SNTG1: variants seen among roughly 807,000 people sequenced by gnomAD.
SNTG1 encodes the protein gamma-1-syntrophin.
In SNTG1, 39 loss-of-function variants were observed where a neutral mutation model predicts 74.7. The ratio of observed to expected loss-of-function variants is 0.52; its 90% CI spans 0.40 to 0.68. The LOEUF is 0.68. SNTG1 is among the 30% of genes least tolerant of loss of function. SNTG1 has a pLI of 0.00. For synonymous variants in SNTG1, 254 were observed against 217.1 expected (o/e 1.17, Z -1.49); for missense variants, 685 against 609.5 (o/e 1.12, Z -1.30).
chr8:50,310,029 A>G (rs1177699668), intron 2 of SNTG1, among the ~76,000 whole-genome samples: 1 of 152,204 alleles, frequency 6.6e-6, no homozygotes, highest in South Asian at 2.1e-4. Flanking sequence ...ATCAATATTA[A>G]TTGAAACTCA....
At chr8:50,415,454 A>G (rs551226075) in intron 4 of SNTG1, among the ~76,000 whole-genome samples, 1 of 152,172 alleles carries the variant, frequency 6.6e-6, no homozygotes, top group Non-Finnish European at 1.5e-5. Flanking sequence ...ATGTTTACTT[A>G]TACCTATACA....
chr8:50,529,873 A>G (rs1266722718), intron 9 of SNTG1, among the ~76,000 whole-genome samples: 1 of 152,044 alleles, frequency 6.6e-6, no homozygotes, highest in Non-Finnish European at 1.5e-5. Context: ...GGTTTCTAAG[A>G]GCAGGCCACT....
At chr8:50,217,107 T>G (rs1002098534) in intron 2 of SNTG1, among the ~76,000 whole-genome samples, 3 of 151,862 alleles carry the variant, frequency 2.0e-5, no homozygotes, top group African/African-American at 4.8e-5. Flanking sequence ...AAGAAGTTGA[T>G]TTTTAAGCCG....
At chr8:50,421,558 C>T (rs188045418) in intron 4 of SNTG1, among the ~76,000 whole-genome samples, 3 of 152,262 alleles carry the variant, frequency 2.0e-5, no homozygotes, top group East Asian at 1.9e-4. Flanking sequence ...CTTGTGCCAA[C>T]CTCTTATCTC....
chr8:50,026,321 T>C (rs1446157031), intron 1 of SNTG1, among the ~76,000 whole-genome samples: 1 of 152,190 alleles, frequency 6.6e-6, no homozygotes, highest in Non-Finnish European at 1.5e-5. Context: ...TGAAAAATCT[T>C]TGCTTTTTGA....
At chr8:50,577,496 T>G (rs1471998988) in intron 12 of SNTG1, among the ~76,000 whole-genome samples, 3 of 151,518 alleles carry the variant, frequency 2.0e-5, no homozygotes, top group Non-Finnish European at 4.4e-5. Flanking sequence ...TGTGTGGCTT[T>G]GGTATCAGAG....
At position 50,667,444 on chromosome 8, in the gene SNTG1, G is replaced by C. The variant is rs2095256020; in HGVS notation, c.1038+8781G>C. Among the ~76,000 whole-genome samples the C allele has an allele frequency of 2.0e-5, 3 of 152,020 alleles. No individual in the cohort carries two copies. The South Asian group carries it at 6.2e-4, about 32-fold the overall frequency. On this transcript the variant is annotated intron_variant, in intron 15 of 18. Transcript: ENST00000642720. ...TGGAGACTGTGAAGTCCAAGAGCATGATGCTAGCATGTCGTGAAGGTCTAC... is the reference window on the plus strand; with the variant it reads ...TGGAGACTGTGAAGTCCAAGAGCATCATGCTAGCATGTCGTGAAGGTCTAC...
At chr8:50,719,680 G>A (rs978841985) in intron 17 of SNTG1, among the ~76,000 whole-genome samples, 2 of 152,250 alleles carry the variant, frequency 1.3e-5, no homozygotes, top group South Asian at 4.1e-4. Context: ...CCAGTAGTAT[G>A]TGGAAATGTG....
intron 1 of SNTG1, among the ~76,000 whole-genome samples, chr8:49,972,424 C>T (rs1811778073): frequency 6.6e-6 from 1 of 152,128 alleles, no homozygotes; most frequent in African/African-American, 2.4e-5. Flanking sequence ...TAGAAGAAAA[C>T]CTAGGCAATA....
chr8:49,937,385 G>T (rs1808186519), intron 1 of SNTG1, among the ~76,000 whole-genome samples: 1 of 152,166 alleles, frequency 6.6e-6, no homozygotes. Context: ...GGTTCAGCGT[G>T]CTGATAATGG....
chr8:50,445,398 A>G (rs2093397455), intron 5 of SNTG1, among the ~76,000 whole-genome samples: 1 of 152,164 alleles, frequency 6.6e-6, no homozygotes, highest in African/African-American at 2.4e-5. Flanking sequence ...TGATTGATTA[A>G]TTGATTGGAG....
At chr8:50,344,986 A>G (rs2091430319) in intron 2 of SNTG1, among the ~76,000 whole-genome samples, 1 of 152,186 alleles carries the variant, frequency 6.6e-6, no homozygotes, top group African/African-American at 2.4e-5. Context: ...ACCCAGGGAC[A>G]GGCCATGTGA....
At chr8:50,198,806 T>C (rs1029265512) in intron 2 of SNTG1, among the ~76,000 whole-genome samples, 10 of 151,864 alleles carry the variant, frequency 6.6e-5, no homozygotes, top group African/African-American at 2.2e-4. Context: ...TTGGACTTTT[T>C]TGGCATCACA....
chr8:49,993,633 C>T (rs1813901089), intron 1 of SNTG1, among the ~76,000 whole-genome samples: 1 of 151,876 alleles, frequency 6.6e-6, no homozygotes, highest in Admixed American at 6.6e-5. Context: ...TTTCAACTCC[C>T]ACTTATGAGT....
chr8:50,106,058 C>T (rs1586298380), intron 1 of SNTG1, among the ~76,000 whole-genome samples: 1 of 152,050 alleles, frequency 6.6e-6, no homozygotes, highest in South Asian at 2.1e-4. Flanking sequence ...CTAGGACTTC[C>T]AGTATGTATT....
At chr8:50,643,714 A>C (rs998455311) in intron 13 of SNTG1, 9 of 152,200 alleles carry the variant, frequency 5.9e-5, no homozygotes, top group Non-Finnish European at 2.9e-5. Context: ...GACAAAAATA[A>C]AATTATCTGA....
intron 11 of SNTG1, among the ~76,000 whole-genome samples, chr8:50,542,531 T>C (rs2094356141): frequency 6.6e-6 from 1 of 152,214 alleles, no homozygotes; most frequent in Admixed American, 6.5e-5. Context: ...TTGGCTATTA[T>C]GAATATTGTT....
intron 2 of SNTG1, among the ~76,000 whole-genome samples, chr8:50,254,113 C>T (rs962055939): frequency 6.6e-6 from 1 of 152,130 alleles, no homozygotes; most frequent in African/African-American, 2.4e-5. Context: ...ACCTTGATTT[C>T]ATCATTATAC....
At chr8:50,429,812 C>T (rs2093211343) in intron 4 of SNTG1, among the ~76,000 whole-genome samples, 1 of 151,640 alleles carries the variant, frequency 6.6e-6, no homozygotes, top group African/African-American at 2.4e-5. Context: ...AAAAAATGGG[C>T]AAATAATTTG....
Sources: gnomAD v4.1 joint callset for allele counts (sites outside exome capture counted in the v4.1 genomes callset) on GRCh38, gnomAD v4.1.1 for gene constraint, MANE v1.5 for transcripts, NCBI Gene and HGNC (gene_info 2026-07-23, HGNC 2026-07-21) for gene names.